SAG: variants seen among roughly 807,000 people sequenced by gnomAD.
SAG encodes the protein S-antigen visual arrestin.
SAG carries 45 observed loss-of-function variants against 55.0 expected under a neutral mutation model. The ratio of observed to expected loss-of-function variants is 0.82; its 90% CI spans 0.64 to 1.05. The LOEUF (loss-of-function observed/expected upper bound fraction) is 1.05, where lower values mean the gene tolerates loss of function less well. Among genes scored for constraint, SAG ranks in the 50% least tolerant of loss-of-function variants. The pLI, the probability that SAG is intolerant of heterozygous loss-of-function variation, is 0.00. For synonymous variants in SAG, 189 were observed against 197.4 expected, an observed-to-expected ratio of 0.96 and a Z score of 0.36; for missense variants, 455 against 512.1, an observed-to-expected ratio of 0.89 and a Z score of 1.08.
At chr2:233,329,307 C>T (rs1416242455) in intron 8 of SAG, 186 bp from the exon 9 acceptor site, 3 of 561,474 alleles carry the variant, frequency 5.3e-6, no homozygotes, top group East Asian at 6.3e-5. Context: ...TCCCCAGCTT[C>T]CCACAGATGG....
At chr2:233,316,468 C>T (rs372895042) in intron 3 of SAG, among the ~76,000 whole-genome samples, 54 of 152,126 alleles carry the variant, frequency 3.5e-4, no homozygotes, top group Middle Eastern at 6.8e-3. Context: ...TGCATCACCA[C>T]GCCCAGCTAA....
intron 14 of SAG, chr2:233,343,512 G>A (rs1701166983): frequency 1.1e-5 from 3 of 283,698 alleles, no homozygotes; most frequent in South Asian, 3.4e-5. Context: ...GTATGGATGC[G>A]AAATGATGCA....
Position 233,343,750 on chromosome 2 carries a change from C to T in SAG, c.1102+1424C>T, listed in dbSNP as rs960133416. 8.9e-6 allele frequency: 10 copies of T among 1,126,670 alleles called. No homozygotes were observed. In the African/African-American group the frequency reaches 1.0e-4, roughly 11 times the overall value. The allele number at this position is 1,126,670 out of a possible 1,614,324, so 69.8% of individuals were successfully genotyped here. ...CAGATCTGTCTAAATGAGAACTCTC[C>T]GTAGGTATAGGAATAAGGGATATTT... On this transcript the variant is annotated intron_variant, in intron 14 of 15. Transcript: ENST00000409110.
At chr2:233,346,517 T>C in intron 15 of SAG, 105 bp downstream of exon 15, 1 of 1,293,100 alleles carries the variant, frequency 7.7e-7, no homozygotes, top group Non-Finnish European at 1.1e-6. Context: ...CAAGCTCTCC[T>C]GCCGGCTCAG....
intron 3 of SAG, among the ~76,000 whole-genome samples, chr2:233,316,461 A>G (rs1257502648): frequency 2.6e-5 from 4 of 151,770 alleles, no homozygotes; most frequent in African/African-American, 7.3e-5. Context: ...ACAGGAATGC[A>G]TCACCACGCC....
In SAG at chr2:233,320,840, G is replaced by A. The variant is rs551446207; in HGVS notation, c.375+17G>A. The A allele has an allele frequency of 3.8e-6, 6 of 1,565,246 alleles. No homozygotes were observed. The African/African-American group carries it at 6.8e-5, about 18-fold the overall frequency. On this transcript the variant is annotated intron_variant, in intron 5 of 15. Transcript: ENST00000409110. The stretch of plus-strand genomic sequence containing the variant: ...CTCCTGACGGTGGGTGACTCCTCCG[G>A]CCAGCCCTGCTTCCTTCACCCGCAG...
At chr2:233,336,762 G>C (rs1700944405) in intron 11 of SAG, among the ~76,000 whole-genome samples, 1 of 152,074 alleles carries the variant, frequency 6.6e-6, no homozygotes, top group Non-Finnish European at 1.5e-5. Context: ...GGCAGAGCAT[G>C]TTCAGTTCAG....
rs938725522 is a variant in SAG at position 233,343,008 on chromosome 2, T to A, written c.1102+682T>A. Reference sequence around the variant, plus strand: ...CCTGAGCTCAAGTGATCTTTCTGCCTCATCCTCCCAAAGTGCTGGGGTTAC... The same window carrying A: ...CCTGAGCTCAAGTGATCTTTCTGCCACATCCTCCCAAAGTGCTGGGGTTAC... On this transcript the variant is annotated intron_variant, in intron 14 of 15. Transcript: ENST00000409110. The A allele has an allele frequency of 2.0e-5, 3 of 152,426 alleles. No individual in the cohort carries two copies. The South Asian group carries it at 6.1e-4, about 31-fold the overall frequency. The allele number at this position is 152,426 out of a possible 1,614,324, so 9.4% of individuals were successfully genotyped here.
chr2:233,341,363 A>C (rs1023930605), intron 13 of SAG, among the ~76,000 whole-genome samples: 1 of 152,128 alleles, frequency 6.6e-6, no homozygotes, highest in Non-Finnish European at 1.5e-5. Flanking sequence ...ATGTTTCTTA[A>C]CTTGCTGCTG....
At position 233,338,766 on chromosome 2, in the gene SAG, G is replaced by A. The variant is rs1435967492; in HGVS notation, c.1022+13G>A. 1.2e-6 allele frequency: 2 copies of A among 1,609,950 alleles called. No individual in the cohort carries two copies. The highest frequency in any genetic ancestry group is 1.3e-5 in the African/African-American group (1 of 74,940). On this transcript the variant is annotated intron_variant, in intron 12 of 15. Coordinates refer to ENST00000409110, the MANE Select transcript of SAG (RefSeq NM_000541.5). The stretch of plus-strand genomic sequence containing the variant: ...TCACAGTGTCAGGGTAAGTGTCCCG[G>A]CACCAACCCTCGGGCTGCTCTGTCC...
At chr2:233,320,342 C>T (rs1700340567) in intron 4 of SAG, among the ~76,000 whole-genome samples, 1 of 152,192 alleles carries the variant, frequency 6.6e-6, no homozygotes, top group African/African-American at 2.4e-5. Context: ...AGGGGGCGGG[C>T]AGGATGGAGG....
chr2:233,333,129 A>G (rs1700820631), intron 10 of SAG: 1 of 152,188 alleles, frequency 6.6e-6, no homozygotes, highest in Admixed American at 6.6e-5. Flanking sequence ...ACTTTAGGAG[A>G]AACTATTACT....
intron 7 of SAG, 39 bp downstream of exon 7, chr2:233,327,236 TG>T (rs1268299362): frequency 1.3e-6 from 2 of 1,542,474 alleles, no homozygotes; most frequent in Non-Finnish European, 9.0e-7. Flanking sequence ...GGGTCTGCGG[TG>T]GGGGTGGAGA....
rs145893558 is a variant in SAG at position 233,341,190 on chromosome 2, C to T, written c.1046+712C>T. ...ACAGAGTCTTGCTCTGTTGCCCAGG[C>T]TCGAGTGCAGTGGCATGATCTTGGC... On this transcript the variant is annotated intron_variant, in intron 13 of 15. Coordinates refer to ENST00000409110, the MANE Select transcript of SAG (RefSeq NM_000541.5). Among the ~76,000 whole-genome samples the T allele has an allele frequency of 2.9e-4, 44 of 152,224 alleles. 1 individual carries two copies. In the East Asian group the frequency reaches 8.5e-3, roughly 29 times the overall value.
intron 7 of SAG, chr2:233,327,583 T>C: frequency 6.1e-6 from 1 of 164,428 alleles, no homozygotes. Flanking sequence ...CCTCGCTCTG[T>C]CCCCCAGGCT....
Position 233,319,595 on chromosome 2 carries a change from G to T in SAG, c.181+800G>T, listed in dbSNP as rs771633377. 2.0e-6 allele frequency: 2 copies of T among 986,524 alleles called. No homozygotes were observed. Among genetic ancestry groups the T allele is most frequent in the Non-Finnish European group, 2.4e-6 (2 of 830,732 alleles). The allele number at this position is 986,524 out of a possible 1,614,324, so 61.1% of individuals were successfully genotyped here. A position where few individuals can be genotyped will look rare whatever the true frequency, so the allele number is the denominator to read the frequency against. On this transcript the variant is annotated intron_variant, in intron 4 of 15. Transcript: ENST00000409110. This position sits in a 1 kb window ranked among gnomAD's most constrained non-coding sequence, Gnocchi z 4.4. ...CTATGGGGCCATCAGCATTGAGGGG[G>T]CATGGCTGAAATGGGGCCCCAAACG...
At chr2:233,338,989 GCCACTTTGC>G in intron 12 of SAG, 1 of 612,378 alleles carries the variant, frequency 1.6e-6, no homozygotes. Flanking sequence ...CATTCTTAGC[GCCACTTTGC>G]AAAAATACGT....
intron 15 of SAG, 134 bp downstream of exon 15, chr2:233,346,546 C>A: frequency 1.0e-6 from 1 of 966,330 alleles, no homozygotes; most frequent in Non-Finnish European, 1.7e-6. Flanking sequence ...TCCGCTACTT[C>A]CCGTCTGCTC....
At position 233,329,562 on chromosome 2, in the gene SAG, A is replaced by T; in HGVS notation, c.718A>T (p.Lys240Ter). The T allele has an allele frequency of 6.2e-7, 1 of 1,610,700 alleles. No individual in the cohort carries two copies. The highest frequency in any genetic ancestry group is 8.5e-7 in the Non-Finnish European group (1 of 1,176,918). The change falls in exon 9 of 16, where the codon AAG (lysine) becomes TAG (stop). Residue 240 changes from lysine (K) to a stop codon, truncating the protein, a stop_gained. Transcript: ENST00000409110. LOFTEE classifies it high-confidence loss of function. Reference protein sequence around the residue: ...VTNNTEKTVKKIKAFVEQVAN... With the variant: ...VTNNTEKTVK The stretch of plus-strand genomic sequence containing the variant: ...CAATAACACAGAGAAGACCGTGAAG[A>T]AGATTAAAGCATTCGGTAGGACCTT...
Sources: allele counts gnomAD v4.1 joint callset (sites outside exome capture counted in the v4.1 genomes callset), GRCh38; gene constraint gnomAD v4.1.1; non-coding constraint Gnocchi (gnomAD v3.1); transcripts MANE v1.5; gene names NCBI Gene and HGNC (gene_info 2026-07-23, HGNC 2026-07-21).